Variants in RRAGD observed in about 807,000 individuals in gnomAD.
RRAGD encodes ras-related GTP-binding protein D.
A neutral mutation model predicts 35.5 loss-of-function variants in RRAGD; 12 were observed. The ratio of observed to expected loss-of-function variants is 0.34; its 90% CI spans 0.22 to 0.55. The LOEUF is 0.55. Among genes scored for constraint, RRAGD ranks in the 20% least tolerant of loss-of-function variants. RRAGD has a pLI of 0.91. For missense variants in RRAGD, 324 were observed against 490.1 expected (o/e 0.66, Z 3.20); for synonymous variants, 155 against 178.9 (o/e 0.87, Z 1.07).
intron 2 of RRAGD, 58 bp downstream of exon 2, chr6:89,387,237 T>G: frequency 6.6e-7 from 1 of 1,521,496 alleles, no homozygotes; most frequent in Non-Finnish European, 8.9e-7. Flanking sequence ...ACCAAAAACA[T>G]GGGGTGGGGT....
rs532688590 is a variant in RRAGD at position 89,373,560 on chromosome 6, G to A, written c.903-975C>T. On this transcript the variant is annotated intron_variant, in intron 5 of 6. Transcript: ENST00000369415. ...TTGAACCCAGGAGGCAGACGTTGCCGTGAGCCGAGATTGTGCCACTGTACT... is the reference window on the plus strand; with the variant it reads ...TTGAACCCAGGAGGCAGACGTTGCCATGAGCCGAGATTGTGCCACTGTACT... 4.2e-4 allele frequency among the ~76,000 whole-genome samples: 64 copies of A among 150,900 alleles called. 1 individual carries two copies. Among genetic ancestry groups the A allele is most frequent in the Non-Finnish European group, 7.5e-4 (51 of 67,882 alleles).
chr6:89,400,363 G>A (rs925158877), intron 1 of RRAGD, among the ~76,000 whole-genome samples: 13 of 152,016 alleles, frequency 8.6e-5, no homozygotes, highest in Admixed American at 4.6e-4. Flanking sequence ...GTGGGTACTC[G>A]CTCAGAGTAT....
At chr6:89,409,278 C>T (rs1037196487) in intron 1 of RRAGD, among the ~76,000 whole-genome samples, 1 of 152,310 alleles carries the variant, frequency 6.6e-6, no homozygotes, top group Non-Finnish European at 1.5e-5. Flanking sequence ...TGCAACTTAA[C>T]TGGCAATACT....
intron 6 of RRAGD, among the ~76,000 whole-genome samples, chr6:89,370,484 T>A (rs951684589): frequency 6.6e-6 from 1 of 152,228 alleles, no homozygotes; most frequent in African/African-American, 2.4e-5. Flanking sequence ...CTTCGCAGCA[T>A]AAAACCAGAA....
rs1768735043 is a variant in RRAGD, at chr6:89,365,990, T to C, written c.*2066A>G. 6.6e-6 allele frequency: 1 copy of C among 152,070 alleles called. No homozygotes were observed. The highest frequency in any genetic ancestry group is 2.1e-4 in the South Asian group (1 of 4,822). The allele number at this position is 152,070 out of a possible 1,614,324, so 9.4% of individuals were successfully genotyped here. A position where few individuals can be genotyped will look rare whatever the true frequency, so the allele number is the denominator to read the frequency against. On this transcript the variant is annotated 3_prime_UTR_variant, in exon 7 of 7. Transcript: ENST00000369415. ...GTCTGTTGGCAAAGGTCCAACAGGA[T>C]ATAGCTCTGGAAATCAGGGAGCCCT...
chr6:89,406,593 C>G (rs1393391233), intron 1 of RRAGD, among the ~76,000 whole-genome samples: 6 of 152,150 alleles, frequency 3.9e-5, no homozygotes. Context: ...AAAACCGTCT[C>G]CCTTCTGGCT....
chr6:89,407,314 G>A (rs1005130776), intron 1 of RRAGD, among the ~76,000 whole-genome samples: 21 of 152,136 alleles, frequency 1.4e-4, no homozygotes, highest in African/African-American at 4.8e-4. Flanking sequence ...AAAATAAAAG[G>A]ATACCAAAAG....
chr6:89,388,081 G>A (rs1473084016), intron 1 of RRAGD, among the ~76,000 whole-genome samples: 1 of 152,090 alleles, frequency 6.6e-6, no homozygotes, highest in Non-Finnish European at 1.5e-5. Context: ...CCCAAGCCAC[G>A]AAGGCCTGGA....
At chr6:89,374,014 A>G (rs1403759464) in intron 5 of RRAGD, among the ~76,000 whole-genome samples, 1 of 152,140 alleles carries the variant, frequency 6.6e-6, no homozygotes, top group Non-Finnish European at 1.5e-5. Context: ...AAATTTTCTG[A>G]TTTATTTTTA....
chr6:89,385,926 G>C (rs1769130406), intron 2 of RRAGD, among the ~76,000 whole-genome samples: 1 of 152,130 alleles, frequency 6.6e-6, no homozygotes, highest in Non-Finnish European at 1.5e-5. Context: ...TCAGAGGATG[G>C]TTCTCGAGCA....
rs1229921586 is a variant in RRAGD at position 89,367,354 on chromosome 6, A to G, written c.*702T>C. The G allele has an allele frequency of 6.6e-6, 1 of 152,174 alleles. No individual in the cohort carries two copies. The highest frequency in any genetic ancestry group is 1.5e-5 in the Non-Finnish European group (1 of 68,040). The allele number at this position is 152,174 out of a possible 1,614,324, so 9.4% of individuals were successfully genotyped here. A position where few individuals can be genotyped will look rare whatever the true frequency, so the allele number is the denominator to read the frequency against. On this transcript the variant is annotated 3_prime_UTR_variant, in exon 7 of 7. Transcript: ENST00000369415. ...CAAAAAGAAATAACCTCTCTGTATA[A>G]AGTGATTATAGAGATGTGTGTTGAG...
chr6:89,402,798 C>T (rs1318048415), intron 1 of RRAGD, among the ~76,000 whole-genome samples: 1 of 152,170 alleles, frequency 6.6e-6, no homozygotes, highest in East Asian at 1.9e-4. Context: ...GTCCTTTTCC[C>T]CCTGACCTCG....
At chr6:89,403,631 T>C (rs1769522690) in intron 1 of RRAGD, among the ~76,000 whole-genome samples, 4 of 82,696 alleles carry the variant, frequency 4.8e-5, no homozygotes, top group Admixed American at 1.0e-4. Flanking sequence ...CTTTTTCTTT[T>C]TTTTTTTTTT....
chr6:89,378,724 A>G (rs1453751127), intron 4 of RRAGD, among the ~76,000 whole-genome samples: 6 of 152,216 alleles, frequency 3.9e-5, no homozygotes, highest in African/African-American at 1.4e-4. Flanking sequence ...AAACCCTCCA[A>G]TTATACCAGT....
chr6:89,379,926 C>T (rs532453356), intron 3 of RRAGD, among the ~76,000 whole-genome samples: 1 of 152,318 alleles, frequency 6.6e-6, no homozygotes, highest in South Asian at 2.1e-4. Flanking sequence ...ATGTGTTTCT[C>T]ATGTGAGGGG....
At chr6:89,391,165 G>T (rs1436280609) in intron 1 of RRAGD, among the ~76,000 whole-genome samples, 1 of 151,958 alleles carries the variant, frequency 6.6e-6, no homozygotes, top group Non-Finnish European at 1.5e-5. Flanking sequence ...CAGGAGGGTT[G>T]CTTGAGGCCA....
At chr6:89,382,364 C>T (rs1335313676) in intron 2 of RRAGD, among the ~76,000 whole-genome samples, 1 of 145,916 alleles carries the variant, frequency 6.9e-6, no homozygotes, top group Non-Finnish European at 1.5e-5. Flanking sequence ...AGTTCAAGAC[C>T]GGCCTGAACA....
At chr6:89,380,044 A>T in intron 3 of RRAGD, 124 bp downstream of exon 3, 3 of 787,652 alleles carry the variant, frequency 3.8e-6, no homozygotes, top group Non-Finnish European at 6.4e-6. Flanking sequence ...ATCCATCTAC[A>T]GCATGAAACA....
chr6:89,375,557 C>T lies in RRAGD; in HGVS notation c.902+2114G>A, dbSNP rs537709006. Among the ~76,000 whole-genome samples the T allele has an allele frequency of 9.0e-4, 137 of 152,340 alleles. 2 individuals carry two copies. Among genetic ancestry groups the T allele is most frequent in the African/African-American group, 3.2e-3 (132 of 41,590 alleles). On this transcript the variant is annotated intron_variant, in intron 5 of 6. Transcript: ENST00000369415. ...AGAGATTCCTGAGGCACCAGGTCAC[C>T]TGATTCTAGGGCCTGCTGGTCTCCA... is the stretch of plus-strand genomic sequence containing the variant.
Sources: allele counts gnomAD v4.1 joint callset (sites outside exome capture counted in the v4.1 genomes callset), GRCh38; gene constraint gnomAD v4.1.1; transcripts MANE v1.5; gene names NCBI Gene and HGNC (gene_info 2026-07-23, HGNC 2026-07-21).